The following CSMD3 variants were observed in gnomAD, a reference collection of about 807,000 sequenced individuals.
CSMD3 encodes the protein CUB and sushi domain-containing protein 3.
In CSMD3, 177 loss-of-function variants were observed where a neutral mutation model predicts 435.2. The ratio of observed to expected loss-of-function variants is 0.41; its 90% CI spans 0.36 to 0.46. The LOEUF is 0.46. Ranked by LOEUF, CSMD3 falls within the 20% of genes least tolerant of loss-of-function variation. CSMD3 has a pLI of 0.34. For missense variants in CSMD3, 4,265 were observed against 4,504.6 expected (o/e 0.95, Z 1.52); for synonymous variants, 1,656 against 1,520.5 (o/e 1.09, Z -2.07).
intron 13 of CSMD3, among the ~76,000 whole-genome samples, chr8:112,787,338 G>T (rs953211056): frequency 6.6e-6 from 1 of 152,024 alleles, no homozygotes; most frequent in African/African-American, 2.4e-5. Context: ...GTGAATTCTG[G>T]CAAGGATGTG....
At chr8:112,668,995 G>A (rs569049101) in intron 16 of CSMD3, among the ~76,000 whole-genome samples, 22 of 151,046 alleles carry the variant, frequency 1.5e-4, no homozygotes, top group Non-Finnish European at 2.5e-4. Context: ...TAGAGTTTTG[G>A]AACAGAAACC....
At chr8:112,396,686 T>C (rs1253152575) in intron 35 of CSMD3, among the ~76,000 whole-genome samples, 2 of 152,178 alleles carry the variant, frequency 1.3e-5, no homozygotes, top group South Asian at 4.1e-4. Flanking sequence ...GAACACCTGT[T>C]GTGTGCCAAG....
In CSMD3 at chr8:112,875,591, A is replaced by G. The variant is rs78440371; in HGVS notation, c.1634-16325T>C. On this transcript the variant is annotated intron_variant, in intron 10 of 70. Transcript: ENST00000297405. Reference sequence around the variant, plus strand: ...AGGTGTGGTCCTTTCACATAGTCCCATATTTATTGGAGGCTTTGTTCATTC... The same window carrying G: ...AGGTGTGGTCCTTTCACATAGTCCCGTATTTATTGGAGGCTTTGTTCATTC... Among the ~76,000 whole-genome samples, 255 of 152,144 alleles carry G rather than the reference A, an allele frequency of 1.7e-3. 6 individuals carry two copies. In the South Asian group the frequency reaches 0.022, roughly 13 times the overall value.
chr8:113,071,910 C>T (rs10808453), intron 5 of CSMD3, among the ~76,000 whole-genome samples: 69,349 of 151,332 alleles, frequency 0.46, 17,854 homozygotes, highest in East Asian at 0.88. Flanking sequence ...GTATTATGGG[C>T]ATTTAAAAAA....
chr8:113,189,556 T>C (rs2092555510), intron 3 of CSMD3, among the ~76,000 whole-genome samples: 2 of 151,854 alleles, frequency 1.3e-5, no homozygotes, highest in South Asian at 4.1e-4. Flanking sequence ...ATCAAGCATA[T>C]AATTAAATTT....
At chr8:113,171,947 G>A (rs1048346934) in intron 4 of CSMD3, among the ~76,000 whole-genome samples, 3 of 152,124 alleles carry the variant, frequency 2.0e-5, no homozygotes, top group African/African-American at 7.2e-5. Flanking sequence ...GAATGGGAGG[G>A]CCTACTGCCC....
chr8:112,796,870 A>G (rs2078841830), intron 13 of CSMD3, among the ~76,000 whole-genome samples: 1 of 152,040 alleles, frequency 6.6e-6, no homozygotes, highest in Non-Finnish European at 1.5e-5. Context: ...AAAGTTAGGA[A>G]TATCATTAAC....
At chr8:112,459,421 A>G (rs979868613) in intron 32 of CSMD3, among the ~76,000 whole-genome samples, 3 of 151,656 alleles carry the variant, frequency 2.0e-5, no homozygotes, top group Non-Finnish European at 2.9e-5. Flanking sequence ...AATCAGTATG[A>G]CGTGGGTACA....
intron 14 of CSMD3, among the ~76,000 whole-genome samples, chr8:112,686,415 G>GA (rs2076012277): frequency 6.6e-6 from 1 of 151,142 alleles, no homozygotes; most frequent in Non-Finnish European, 1.5e-5. Context: ...AAACAGAAAA[G>GA]AAAATGACAT....
intron 66 of CSMD3, among the ~76,000 whole-genome samples, chr8:112,237,741 T>C (rs974426118): frequency 6.6e-6 from 1 of 152,122 alleles, no homozygotes; most frequent in African/African-American, 2.4e-5. Context: ...CCTGCTTTTT[T>C]TCCAGCAGTG....
intron 3 of CSMD3, among the ~76,000 whole-genome samples, chr8:113,200,660 A>G (rs2092707397): frequency 6.6e-6 from 1 of 151,080 alleles, no homozygotes; most frequent in Non-Finnish European, 1.5e-5. Context: ...GAAGGGAGTA[A>G]GTGTAGAAAT....
intron 32 of CSMD3, among the ~76,000 whole-genome samples, chr8:112,445,926 T>C (rs1199779110): frequency 6.6e-6 from 1 of 152,260 alleles, no homozygotes; most frequent in Non-Finnish European, 1.5e-5. Flanking sequence ...GGAACTAATT[T>C]CAGCATTTGT....
chr8:113,288,084 T>A (rs1393713488), intron 2 of CSMD3, among the ~76,000 whole-genome samples: 1 of 151,916 alleles, frequency 6.6e-6, no homozygotes, highest in East Asian at 1.9e-4. Context: ...CTTTGATTTC[T>A]AGCACAAGTT....
At chr8:113,361,289 G>A (rs2094274293) in intron 1 of CSMD3, among the ~76,000 whole-genome samples, 1 of 152,046 alleles carries the variant, frequency 6.6e-6, no homozygotes, top group Admixed American at 6.6e-5. Flanking sequence ...TTTTAAAAAT[G>A]GCTAAGAGAA....
intron 31 of CSMD3, among the ~76,000 whole-genome samples, chr8:112,478,090 G>C (rs1266953584): frequency 6.6e-6 from 1 of 152,138 alleles, no homozygotes; most frequent in Admixed American, 6.5e-5. Flanking sequence ...CGTAAAATGT[G>C]ACTTGCTCCT....
At chr8:112,279,804 T>C (rs1227918875) in intron 59 of CSMD3, among the ~76,000 whole-genome samples, 3 of 152,086 alleles carry the variant, frequency 2.0e-5, no homozygotes, top group Non-Finnish European at 4.4e-5. Flanking sequence ...AACTGGAAAA[T>C]ATTTTGCTAT....
intron 1 of CSMD3, among the ~76,000 whole-genome samples, chr8:113,401,284 C>A (rs2094508938): frequency 6.6e-6 from 1 of 151,568 alleles, no homozygotes; most frequent in African/African-American, 2.4e-5. Flanking sequence ...TTGGGTTGAG[C>A]AGATTCCAAG....
intron 7 of CSMD3, among the ~76,000 whole-genome samples, chr8:112,963,797 CA>C (rs1218979182): frequency 2.0e-5 from 3 of 151,918 alleles, no homozygotes; most frequent in African/African-American, 7.2e-5. Flanking sequence ...ATAACTTATA[CA>C]TGAGAGCAAT....
chr8:112,718,268 C>A (rs1392948567), intron 13 of CSMD3, among the ~76,000 whole-genome samples: 1 of 151,892 alleles, frequency 6.6e-6, no homozygotes, highest in Non-Finnish European at 1.5e-5. Flanking sequence ...AAGGCTGTCT[C>A]TTCTATATAC....
Sources: gnomAD v4.1 joint callset for allele counts (sites outside exome capture counted in the v4.1 genomes callset) on GRCh38, gnomAD v4.1.1 for gene constraint, MANE v1.5 for transcripts, NCBI Gene and HGNC (gene_info 2026-07-23, HGNC 2026-07-21) for gene names.